Variants in ARHGAP24 observed in about 807,000 individuals in gnomAD.
ARHGAP24 encodes rho GTPase-activating protein 24.
ARHGAP24 carries 50 observed loss-of-function variants against 76.4 expected under a neutral mutation model. The ratio of observed to expected loss-of-function variants is 0.65; its 90% CI spans 0.52 to 0.83. ARHGAP24 has a LOEUF of 0.83. ARHGAP24 is among the 40% of genes least tolerant of loss of function. The pLI is 0.00. For synonymous variants in ARHGAP24, 345 were observed against 323.3 expected, an observed-to-expected ratio of 1.07 and a Z score of -0.72; for missense variants, 930 against 914.2, an observed-to-expected ratio of 1.02 and a Z score of -0.22.
intron 3 of ARHGAP24, among the ~76,000 whole-genome samples, chr4:85,737,189 C>T (rs1725638276): frequency 6.6e-6 from 1 of 152,060 alleles, no homozygotes; most frequent in Admixed American, 6.6e-5. Context: ...GCTGGAAGTC[C>T]AGACCTGAGT....
chr4:85,948,403 C>A (rs1224875759), intron 5 of ARHGAP24, among the ~76,000 whole-genome samples: 1 of 152,076 alleles, frequency 6.6e-6, no homozygotes, highest in Non-Finnish European at 1.5e-5. Context: ...TTATATGACA[C>A]TGACATTATT....
chr4:85,485,305 A>G (rs1320359587), intron 1 of ARHGAP24, among the ~76,000 whole-genome samples: 1 of 125,964 alleles, frequency 7.9e-6, no homozygotes, highest in Non-Finnish European at 1.6e-5. Flanking sequence ...CCGAGATCGC[A>G]CCACCACACT....
Position 86,001,097 on chromosome 4 carries a change from G to A in ARHGAP24, c.*375G>A, listed in dbSNP as rs563563040. On this transcript the variant is annotated 3_prime_UTR_variant, in exon 10 of 10. Transcript: ENST00000395184. Reference sequence around the variant, plus strand: ...TTGCACTTAACATAAGCTATTTTTGGCATTGTGTTATCATCGGCTTATTTT... The same window carrying A: ...TTGCACTTAACATAAGCTATTTTTGACATTGTGTTATCATCGGCTTATTTT... 155 of 397,264 alleles carry A rather than the reference G, an allele frequency of 3.9e-4. 1 individual carries two copies. Among genetic ancestry groups the A allele is most frequent in the African/African-American group, 2.6e-3 (127 of 48,654 alleles). 24.6% of individuals were successfully genotyped at this position (397,264 alleles called of 1,614,324 possible). A position where few individuals can be genotyped will look rare whatever the true frequency, so the allele number is the denominator to read the frequency against.
At chr4:85,785,107 T>C (rs1727770227) in intron 3 of ARHGAP24, among the ~76,000 whole-genome samples, 1 of 152,152 alleles carries the variant, frequency 6.6e-6, no homozygotes, top group African/African-American at 2.4e-5. Context: ...GAGGTCCAGC[T>C]TTGGTGCATT....
intron 3 of ARHGAP24, among the ~76,000 whole-genome samples, chr4:85,867,789 A>T (rs1184707562): frequency 1.3e-5 from 2 of 149,706 alleles, no homozygotes; most frequent in Non-Finnish European, 3.0e-5. Context: ...CATCTAGATT[A>T]TTTTTGCCTG....
intron 3 of ARHGAP24, among the ~76,000 whole-genome samples, chr4:85,749,374 A>C (rs1022116399): frequency 6.6e-6 from 1 of 152,216 alleles, no homozygotes; most frequent in African/African-American, 2.4e-5. Flanking sequence ...GAACAAACAA[A>C]AATTTTAAAA....
intron 5 of ARHGAP24, among the ~76,000 whole-genome samples, chr4:85,949,479 C>G (rs955677975): frequency 6.6e-6 from 1 of 152,220 alleles, no homozygotes; most frequent in African/African-American, 2.4e-5. Context: ...ACTGACAAGA[C>G]AGGTGCCTAA....
chr4:85,793,648 A>G (rs956790968), intron 3 of ARHGAP24, among the ~76,000 whole-genome samples: 1 of 152,168 alleles, frequency 6.6e-6, no homozygotes, highest in African/African-American at 2.4e-5. Flanking sequence ...AAAATCTCAG[A>G]TAAAATATGT....
chr4:85,654,489 T>C (rs1722062439), intron 2 of ARHGAP24, among the ~76,000 whole-genome samples: 1 of 152,330 alleles, frequency 6.6e-6, no homozygotes, highest in Admixed American at 6.5e-5. Flanking sequence ...TTTTATACCC[T>C]ATTTTACATA....
intron 2 of ARHGAP24, among the ~76,000 whole-genome samples, chr4:85,721,292 A>T (rs1020663598): frequency 2.0e-5 from 3 of 152,030 alleles, no homozygotes; most frequent in Admixed American, 6.6e-5. Flanking sequence ...GCTACTCAGG[A>T]GGCTGAGGCA....
At chr4:85,613,994 A>G (rs1720473559) in intron 2 of ARHGAP24, among the ~76,000 whole-genome samples, 1 of 152,188 alleles carries the variant, frequency 6.6e-6, no homozygotes, top group Non-Finnish European at 1.5e-5. Flanking sequence ...TGAAGACAGA[A>G]AAGACAAATG....
At chr4:86,000,450 CCCCCCA>C (rs1560778669) in intron 9 of ARHGAP24, 23 bp from the exon 10 acceptor site, 151 of 528,318 alleles carry the variant, frequency 2.9e-4, no homozygotes, top group Non-Finnish European at 4.4e-4. Flanking sequence ...TGCGTCCCCA[CCCCCCA>C]CCCCCCCCAA....
At chr4:85,907,990 A>G (rs892817577) in intron 3 of ARHGAP24, among the ~76,000 whole-genome samples, 29 of 152,160 alleles carry the variant, frequency 1.9e-4, no homozygotes, top group Admixed American at 1.9e-3. Flanking sequence ...GCTTGGATGT[A>G]AGCTGGAGGA....
At chr4:85,600,191 A>G (rs538544346) in intron 2 of ARHGAP24, among the ~76,000 whole-genome samples, 2 of 152,172 alleles carry the variant, frequency 1.3e-5, no homozygotes, top group Non-Finnish European at 2.9e-5. Flanking sequence ...GGTTATGGGC[A>G]CTGAAAGGAG....
chr4:85,873,930 T>TA (rs1255017174), intron 3 of ARHGAP24, among the ~76,000 whole-genome samples: 2 of 152,208 alleles, frequency 1.3e-5, no homozygotes, highest in African/African-American at 2.4e-5. Flanking sequence ...TATCTACTTT[T>TA]AATAATATAT....
chr4:85,768,658 T>C (rs1167283768), intron 3 of ARHGAP24, among the ~76,000 whole-genome samples: 1 of 152,106 alleles, frequency 6.6e-6, no homozygotes, highest in Non-Finnish European at 1.5e-5. Context: ...CACGCCTGTA[T>C]CCCAGCTACT....
chr4:85,694,629 A>C (rs900943780), intron 2 of ARHGAP24, among the ~76,000 whole-genome samples: 11 of 152,284 alleles, frequency 7.2e-5, no homozygotes, highest in African/African-American at 2.6e-4. Context: ...CCTTGAAGAC[A>C]CTGTCCCTGA....
At chr4:85,709,259 A>G (rs1724432114) in intron 2 of ARHGAP24, among the ~76,000 whole-genome samples, 1 of 152,148 alleles carries the variant, frequency 6.6e-6, no homozygotes. Flanking sequence ...AGTGCCCAGG[A>G]GAGAAATGAA....
chr4:85,813,473 T>C (rs900355719), intron 3 of ARHGAP24, among the ~76,000 whole-genome samples: 1 of 152,128 alleles, frequency 6.6e-6, no homozygotes, highest in Non-Finnish European at 1.5e-5. Context: ...CTATGTGAAT[T>C]TGAGTAAGGG....
Sources: gnomAD v4.1 joint callset for allele counts (sites outside exome capture counted in the v4.1 genomes callset) on GRCh38, gnomAD v4.1.1 for gene constraint, MANE v1.5 for transcripts, NCBI Gene and HGNC (gene_info 2026-07-23, HGNC 2026-07-21) for gene names.